DSCAML1: variants seen among roughly 807,000 people sequenced by gnomAD.
DSCAML1 encodes the protein DS cell adhesion molecule like 1.
Under a neutral mutation model 200.5 loss-of-function variants are expected in DSCAML1, and 38 were observed. The observed-to-expected ratio is 0.19, with a 90% CI of 0.15 to 0.25. The LOEUF (loss-of-function observed/expected upper bound fraction) is 0.25, where lower values mean the gene tolerates loss of function less well. Among genes scored for constraint, DSCAML1 ranks in the 10% least tolerant of loss-of-function variants. DSCAML1 has a pLI of 1.00. For synonymous variants in DSCAML1, 1,215 were observed against 1,165.0 expected (o/e 1.04, Z -0.87); for missense variants, 2,223 against 2,858.8 (o/e 0.78, Z 5.07).
chr11:117,480,488 T>G lies in DSCAML1; in HGVS notation c.2740A>C (p.Asn914His). Residue 914 changes from asparagine (N) to histidine (H), a missense_variant, in exon 14 of 33, where the codon AAC becomes CAC. Physicochemically the swap from Asn to His is moderately conservative, Grantham distance 68 (BLOSUM62 1). This residue lies in a region of DSCAML1 where 438 missense variants were observed against 629.7 expected (regional missense o/e 0.70). Transcript: ENST00000651296. The surrounding 1 kb of genome is among the most constrained non-coding windows in gnomAD (Gnocchi z 4.1). ...ATGTCGAAGCCCGTGATGATGCTGT[T>G]CCCGTCGAATCGCTGGGTCCAGCGC... ...NLRWTQRFDG[N>H]SIITGFDIEY... The G allele has an allele frequency of 6.2e-7, 1 of 1,612,628 alleles. No homozygotes were observed. The highest frequency in any genetic ancestry group is 8.5e-7 in the Non-Finnish European group (1 of 1,179,464).
chr11:117,758,464 C>G lies in DSCAML1; in HGVS notation c.511+18327G>C, dbSNP rs906366252. Among the ~76,000 whole-genome samples, 3 of 151,338 alleles carry G rather than the reference C, an allele frequency of 2.0e-5. No individual in the cohort carries two copies. The East Asian group carries it at 5.9e-4, about 30-fold the overall frequency. The stretch of plus-strand genomic sequence containing the variant: ...TTGCCCAGGCTGGAGTGCAGTGGCG[C>G]GATCTCGGCTCACTGCAAGCTCTGC... On this transcript the variant is annotated intron_variant, in intron 3 of 32. Transcript: ENST00000651296.
intron 4 of DSCAML1, among the ~76,000 whole-genome samples, chr11:117,528,751 C>A (rs2050022423): frequency 6.6e-6 from 1 of 152,136 alleles, no homozygotes. Flanking sequence ...AATGCCCATC[C>A]CACTGAGTTA....
At chr11:117,558,396 C>CAGAG (rs1291316695) in intron 3 of DSCAML1, among the ~76,000 whole-genome samples, 2 of 152,280 alleles carry the variant, frequency 1.3e-5, no homozygotes, top group African/African-American at 2.4e-5. Flanking sequence ...AATGAGCAAC[C>CAGAG]AGAGAAGCAA....
intron 3 of DSCAML1, among the ~76,000 whole-genome samples, chr11:117,700,477 A>C (rs1176519045): frequency 2.6e-5 from 4 of 152,238 alleles, no homozygotes. Context: ...AGGGAAGCCC[A>C]GCCAGTTCGA....
At chr11:117,813,293 C>T (rs1565296795) in intron 1 of DSCAML1, among the ~76,000 whole-genome samples, 1 of 152,240 alleles carries the variant, frequency 6.6e-6, no homozygotes. Flanking sequence ...TCATTCCAGA[C>T]ACCAGACCAA....
intron 3 of DSCAML1, among the ~76,000 whole-genome samples, chr11:117,584,135 C>A (rs1462979271): frequency 2.0e-5 from 3 of 152,040 alleles, no homozygotes; most frequent in Non-Finnish European, 4.4e-5. Context: ...CATTTAAATT[C>A]TTTTCTGCTT....
chr11:117,433,938 C>T (rs1374062866), intron 27 of DSCAML1, among the ~76,000 whole-genome samples: 1 of 152,236 alleles, frequency 6.6e-6, no homozygotes, highest in Non-Finnish European at 1.5e-5. Flanking sequence ...TTCACTTCCT[C>T]CTCTGGGGCC....
chr11:117,792,661 C>CCTCA (rs1224529200), intron 1 of DSCAML1, among the ~76,000 whole-genome samples: 1 of 152,154 alleles, frequency 6.6e-6, no homozygotes, highest in South Asian at 2.1e-4. Context: ...TCAGCAACTA[C>CCTCA]CTCACTACCT....
At chr11:117,812,928 G>A (rs2055773506) in intron 1 of DSCAML1, among the ~76,000 whole-genome samples, 1 of 151,934 alleles carries the variant, frequency 6.6e-6, no homozygotes, top group Admixed American at 6.6e-5. Context: ...GGCTGCCACT[G>A]CTTTAATACT....
chr11:117,476,940 C>T (rs1046151550), intron 14 of DSCAML1, among the ~76,000 whole-genome samples: 1 of 152,138 alleles, frequency 6.6e-6, no homozygotes, highest in Non-Finnish European at 1.5e-5. Flanking sequence ...AGCAGAGACA[C>T]AGGACAGGAA....
chr11:117,702,747 T>C (rs926255202), intron 3 of DSCAML1, among the ~76,000 whole-genome samples: 2 of 152,212 alleles, frequency 1.3e-5, no homozygotes, highest in Non-Finnish European at 2.9e-5. Context: ...AGTTTCATCA[T>C]AATACTAGGT....
Position 117,443,975 on chromosome 11 carries a change from CCG to C in DSCAML1, c.3771_3772del (p.Gly1258SerfsTer70). The C allele has an allele frequency of 1.9e-6, 3 of 1,613,916 alleles. No individual in the cohort carries two copies. The Admixed American group carries it at 5.0e-5, about 27-fold the overall frequency. ...GGCCACCCACAGCAGATACTGCTGA[CCG>C]CGGTTTAGGTGGGCGATCCGGTAGA... On this transcript the variant is annotated frameshift_variant, in exon 21 of 33. Coordinates refer to ENST00000651296, the MANE Select transcript of DSCAML1 (RefSeq NM_020693.4). LOFTEE classifies it high-confidence loss of function.
At chr11:117,797,751 C>T (rs182896896), upstream of DSCAML1, among the ~76,000 whole-genome samples, 675 of 152,332 alleles carry the variant, frequency 4.4e-3, 1 homozygote, top group Non-Finnish European at 7.1e-3. Context: ...ATGAGTCCAG[C>T]CACCCCCTGG....
rs188853140 is a variant in DSCAML1, at chr11:117,763,004, C to T, written c.511+13787G>A. ...CTATTTAGTTTGCCTTAGATCCCCA[C>T]GTTGCTTAAACTCTGGGTATGCCAT... On this transcript the variant is annotated intron_variant, in intron 3 of 32. Transcript: ENST00000651296. Among the ~76,000 whole-genome samples, 253 of 152,256 alleles carry T rather than the reference C, an allele frequency of 1.7e-3. 1 individual carries two copies. The highest frequency in any genetic ancestry group is 3.0e-3 in the Non-Finnish European group (203 of 68,018).
chr11:117,559,327 A>C (rs890499169), intron 3 of DSCAML1, among the ~76,000 whole-genome samples: 7 of 152,094 alleles, frequency 4.6e-5, no homozygotes, highest in African/African-American at 1.4e-4. Context: ...CCTCAGGCCA[A>C]ATCTTCACAT....
intron 3 of DSCAML1, among the ~76,000 whole-genome samples, chr11:117,584,193 G>A (rs374984186): frequency 2.6e-5 from 4 of 152,182 alleles, no homozygotes; most frequent in East Asian, 1.9e-4. Flanking sequence ...CTCATCTCCC[G>A]GTCTCTAACT....
chr11:117,546,377 A>G (rs1336901244), intron 3 of DSCAML1, among the ~76,000 whole-genome samples: 2 of 152,232 alleles, frequency 1.3e-5, no homozygotes, highest in Admixed American at 6.5e-5. Context: ...CACCCAGCGC[A>G]GTGCCTGGTA....
intron 3 of DSCAML1, among the ~76,000 whole-genome samples, chr11:117,742,197 C>T (rs2054436032): frequency 6.6e-6 from 1 of 152,078 alleles, no homozygotes; most frequent in African/African-American, 2.4e-5. Context: ...GAGTTCAGGC[C>T]CTCACTTCAC....
chr11:117,515,610 C>CTTTTTTTTTTTT (rs56765238), intron 8 of DSCAML1, among the ~76,000 whole-genome samples: 1,407 of 65,062 alleles, frequency 0.022, 292 homozygotes, highest in Middle Eastern at 0.05. Context: ...AGGGACGAAG[C>CTTTTTTTTTTTT]TTTTTTTTTT....
Sources: allele counts gnomAD v4.1 joint callset (sites outside exome capture counted in the v4.1 genomes callset), GRCh38; gene constraint gnomAD v4.1.1; regional missense constraint gnomAD v4.1.1; non-coding constraint Gnocchi (gnomAD v3.1); transcripts MANE v1.5; gene names NCBI Gene and HGNC (gene_info 2026-07-23, HGNC 2026-07-21).